BCKDHB: variants seen among roughly 807,000 people sequenced by gnomAD.
BCKDHB encodes branched chain keto acid dehydrogenase E1 subunit beta.
A neutral mutation model predicts 48.5 loss-of-function variants in BCKDHB; 41 were observed. That is an observed-to-expected ratio of 0.85 (90% CI 0.66 to 1.10). BCKDHB has a LOEUF of 1.10. BCKDHB is among the 50% of genes least tolerant of loss of function. The pLI, the probability that BCKDHB is intolerant of heterozygous loss-of-function variation, is 0.00. For missense variants in BCKDHB, 496 were observed against 494.2 expected (o/e 1.00, Z -0.03); for synonymous variants, 201 against 174.8 (o/e 1.15, Z -1.18).
At chr6:80,323,471 CT>C (rs1320674729) in intron 9 of BCKDHB, among the ~76,000 whole-genome samples, 3 of 152,070 alleles carry the variant, frequency 2.0e-5, no homozygotes, top group African/African-American at 7.2e-5. Flanking sequence ...CTAAAAACCC[CT>C]TAAAGATCTT....
intron 9 of BCKDHB, among the ~76,000 whole-genome samples, chr6:80,322,896 CTTTTTT>C (rs34177726): frequency 8.7e-6 from 1 of 115,568 alleles, no homozygotes; most frequent in East Asian, 2.5e-4. Flanking sequence ...TTTCTTTTTT[CTTTTTT>C]TTTTTTTTTT....
the BCKDHB span, among the ~76,000 whole-genome samples, chr6:80,448,268 T>C: frequency 1.3e-5 from 2 of 152,288 alleles, no homozygotes; most frequent in South Asian, 4.1e-4. Context: ...TGGTGGAAGA[T>C]GAAGTAAGGC....
intron 3 of BCKDHB, among the ~76,000 whole-genome samples, chr6:80,167,304 G>A (rs559685255): frequency 4.7e-5 from 7 of 150,400 alleles, no homozygotes; most frequent in Admixed American, 2.6e-4. Context: ...TCAAATAGTT[G>A]GGTTTTCCTT....
intron 6 of BCKDHB, among the ~76,000 whole-genome samples, chr6:80,176,949 G>A (rs78131248): frequency 0.072 from 10,931 of 152,184 alleles, 587 homozygotes; most frequent in South Asian, 0.24. Context: ...TGAAGGCCAC[G>A]TGTGGTAGCT....
intron 9 of BCKDHB, among the ~76,000 whole-genome samples, chr6:80,334,359 A>G (rs191203623): frequency 6.6e-6 from 1 of 152,264 alleles, no homozygotes; most frequent in Admixed American, 6.5e-5. Flanking sequence ...TAGGTCAGAT[A>G]TTCCTGCCAG....
chr6:80,333,572 G>A (rs1409213761), intron 9 of BCKDHB, among the ~76,000 whole-genome samples: 1 of 151,952 alleles, frequency 6.6e-6, no homozygotes, highest in Non-Finnish European at 1.5e-5. Flanking sequence ...AATTGTTTGC[G>A]TGTCCATGGG....
chr6:80,426,704 C>T, the BCKDHB span, among the ~76,000 whole-genome samples: 3 of 152,156 alleles, frequency 2.0e-5, no homozygotes, highest in South Asian at 4.1e-4. Flanking sequence ...CAAATTTAAT[C>T]TTTAAAAAAT....
chr6:80,253,486 G>A (rs1052300201), intron 8 of BCKDHB, among the ~76,000 whole-genome samples: 1 of 152,086 alleles, frequency 6.6e-6, no homozygotes, highest in Non-Finnish European at 1.5e-5. Context: ...CTTGGGCTAT[G>A]TATCCATTCC....
At chr6:80,358,138 A>C in the BCKDHB span, among the ~76,000 whole-genome samples, 1 of 151,852 alleles carries the variant, frequency 6.6e-6, no homozygotes, top group Non-Finnish European at 1.5e-5. Flanking sequence ...TCTTGATCAG[A>C]CTTTTTGGGA....
intron 1 of BCKDHB, among the ~76,000 whole-genome samples, chr6:80,117,804 A>G (rs548952942): frequency 9.9e-5 from 15 of 152,232 alleles, no homozygotes; most frequent in Admixed American, 6.5e-4. Context: ...CTTGCTGTCA[A>G]TAAATATGTG....
intron 3 of BCKDHB, among the ~76,000 whole-genome samples, chr6:80,165,982 A>C (rs1289836102): frequency 1.3e-5 from 2 of 152,120 alleles, no homozygotes; most frequent in African/African-American, 4.8e-5. Flanking sequence ...ATTTTCTGAC[A>C]CCTCAGATCA....
intron 9 of BCKDHB, among the ~76,000 whole-genome samples, chr6:80,299,915 A>T (rs1427730102): frequency 2.0e-5 from 3 of 152,222 alleles, no homozygotes; most frequent in African/African-American, 7.2e-5. Context: ...GGCAGGCTTG[A>T]TATAAAGACA....
chr6:80,150,030 T>C (rs756033331), intron 3 of BCKDHB, among the ~76,000 whole-genome samples: 1 of 152,056 alleles, frequency 6.6e-6, no homozygotes, highest in Non-Finnish European at 1.5e-5. Context: ...GTATAAGACT[T>C]TTGTTTCTAG....
At chr6:80,348,554 T>C (rs975598676), downstream of BCKDHB, among the ~76,000 whole-genome samples, 1 of 152,124 alleles carries the variant, frequency 6.6e-6, no homozygotes, top group Non-Finnish European at 1.5e-5. Flanking sequence ...TACCTCAGAA[T>C]AGAAAGTGAG....
chr6:80,415,383 C>A, the BCKDHB span, among the ~76,000 whole-genome samples: 1 of 152,078 alleles, frequency 6.6e-6, no homozygotes, highest in Non-Finnish European at 1.5e-5. Flanking sequence ...AGATTTTGCC[C>A]ATTGAGTATG....
At chr6:80,227,149 G>A (rs549098017) in intron 8 of BCKDHB, among the ~76,000 whole-genome samples, 1 of 152,246 alleles carries the variant, frequency 6.6e-6, no homozygotes, top group East Asian at 1.9e-4. Flanking sequence ...TACTCTACAT[G>A]CATTTAACAT....
intron 8 of BCKDHB, among the ~76,000 whole-genome samples, chr6:80,261,624 T>C (rs920191001): frequency 6.6e-6 from 1 of 152,096 alleles, no homozygotes; most frequent in African/African-American, 2.4e-5. Flanking sequence ...GGGTCTTCAT[T>C]TCACGAGTGT....
intron 8 of BCKDHB, among the ~76,000 whole-genome samples, chr6:80,258,431 C>A (rs1387325922): frequency 6.6e-6 from 1 of 152,218 alleles, no homozygotes; most frequent in African/African-American, 2.4e-5. Flanking sequence ...TTTTGTTATT[C>A]TTCCTTAAAA....
Position 80,134,092 on chromosome 6 carries a change from G to A in BCKDHB, c.343+4863G>A, listed in dbSNP as rs577267590. Among the ~76,000 whole-genome samples the A allele has an allele frequency of 3.9e-5, 6 of 152,216 alleles. No homozygotes were observed. In the South Asian group the frequency reaches 1.2e-3, roughly 32 times the overall value. On this transcript the variant is annotated intron_variant, in intron 3 of 9. Transcript: ENST00000320393. ...TTAAAATAAGATTTTGGTGTGTCAG[G>A]TTTAAGGTATGTTTGTAACATTATT...
Sources: allele counts gnomAD v4.1 joint callset (sites outside exome capture counted in the v4.1 genomes callset), GRCh38; gene constraint gnomAD v4.1.1; transcripts MANE v1.5; gene names NCBI Gene and HGNC (gene_info 2026-07-23, HGNC 2026-07-21).